GALNT1: variants seen among roughly 807,000 people sequenced by gnomAD.
GALNT1 encodes polypeptide N-acetylgalactosaminyltransferase 1.
In GALNT1, 17 loss-of-function variants were observed where a neutral mutation model predicts 65.7. The ratio of observed to expected loss-of-function variants is 0.26; its 90% confidence interval spans 0.18 to 0.39. The LOEUF (loss-of-function observed/expected upper bound fraction) is 0.39. GALNT1 is among the 10% of genes least tolerant of loss of function. The pLI is 1.00. For missense variants in GALNT1, 460 were observed against 672.8 expected (o/e 0.68, Z 3.50); for synonymous variants, 210 against 219.7 (o/e 0.96, Z 0.39).
At chr18:35,674,270 A>G (rs948288964) in intron 3 of GALNT1, among the ~76,000 whole-genome samples, 1 of 152,210 alleles carries the variant, frequency 6.6e-6, no homozygotes, top group Admixed American at 6.5e-5. Flanking sequence ...TTTGCAGATT[A>G]AGTAATTACG....
At chr18:35,603,385 T>C (rs1251563476) in intron 1 of GALNT1, among the ~76,000 whole-genome samples, 2 of 152,150 alleles carry the variant, frequency 1.3e-5, no homozygotes, top group Non-Finnish European at 2.9e-5. Flanking sequence ...CCTGGAGATC[T>C]TACTAGCCTC....
chr18:35,629,536 A>G (rs1011956627), intron 1 of GALNT1, among the ~76,000 whole-genome samples: 6 of 152,204 alleles, frequency 3.9e-5, no homozygotes, highest in Admixed American at 2.6e-4. Context: ...TGTCACCACC[A>G]GGCCTGCCCT....
Position 35,614,085 on chromosome 18 carries a change from G to A in GALNT1, c.-104+32223G>A, listed in dbSNP as rs181929584. Among the ~76,000 whole-genome samples, 173 of 152,278 alleles carry A rather than the reference G, an allele frequency of 1.1e-3. 1 individual carries two copies. Among genetic ancestry groups the A allele is most frequent in the African/African-American group, 3.7e-3 (154 of 41,552 alleles). ...AGTTAATCAGCAGAGCAAGGAGACC[G>A]TGTAATCAGGCATTCAAACATTGCA... On this transcript the variant is annotated intron_variant, in intron 1 of 11. Transcript: ENST00000269195.
chr18:35,703,543 C>T lies in GALNT1; in HGVS notation c.1433C>T (p.Thr478Ile), dbSNP rs2048203057. Residue 478 changes from threonine (T) to isoleucine (I), a missense_variant, in exon 11 of 12, where the codon ACA (threonine) becomes ATA (isoleucine). Thr to Ile is a moderately conservative substitution (Grantham distance 89). Transcript: ENST00000269195. ...TATACTGCCAACAAAGAAATTAGAA[C>T]AGATGACCTTTGCTTGGATGTTTCC... ...FSYTANKEIRTDDLCLDVSKL... is the reference protein window; with the variant it reads ...FSYTANKEIRIDDLCLDVSKL... 2 of 1,613,868 alleles carry T rather than the reference C, an allele frequency of 1.2e-6. No homozygotes were observed. Among genetic ancestry groups the T allele is most frequent in the Admixed American group, 3.3e-5 (2 of 60,008 alleles).
intron 1 of GALNT1, among the ~76,000 whole-genome samples, chr18:35,600,797 G>A (rs570815939): frequency 2.2e-4 from 34 of 152,172 alleles, no homozygotes; most frequent in African/African-American, 7.2e-4. Context: ...TCACTTGATC[G>A]TGGTGAATGA....
chr18:35,694,171 C>T (rs1388587579), intron 9 of GALNT1, among the ~76,000 whole-genome samples: 1 of 152,170 alleles, frequency 6.6e-6, no homozygotes, highest in African/African-American at 2.4e-5. Context: ...TTGTTAAAAA[C>T]TCTGTTTTGA....
At chr18:35,664,054 T>C (rs1428922282) in intron 3 of GALNT1, 1 of 420,800 alleles carries the variant, frequency 2.4e-6, no homozygotes, top group African/African-American at 2.1e-5. Flanking sequence ...TTTTAAACTT[T>C]ATTATTACCA....
At chr18:35,649,978 A>G (rs1037153931) in intron 1 of GALNT1, among the ~76,000 whole-genome samples, 3 of 152,196 alleles carry the variant, frequency 2.0e-5, no homozygotes, top group Non-Finnish European at 2.9e-5. Flanking sequence ...GAAGATTCCC[A>G]GATGATGTTG....
At chr18:35,683,959 C>G (rs144817656) in intron 5 of GALNT1, among the ~76,000 whole-genome samples, 1 of 152,346 alleles carries the variant, frequency 6.6e-6, no homozygotes, top group East Asian at 1.9e-4. Context: ...GCAGGCAGAT[C>G]CTCTCAGCTT....
intron 1 of GALNT1, among the ~76,000 whole-genome samples, chr18:35,644,297 G>T (rs938701423): frequency 6.6e-6 from 1 of 152,146 alleles, no homozygotes; most frequent in African/African-American, 2.4e-5. Flanking sequence ...CCTGAAAATT[G>T]GTTCTCCTTT....
At chr18:35,603,696 T>C (rs1269888268) in intron 1 of GALNT1, among the ~76,000 whole-genome samples, 1 of 152,140 alleles carries the variant, frequency 6.6e-6, no homozygotes, top group Non-Finnish European at 1.5e-5. Context: ...ACTTCTCTTC[T>C]TCCCCACTGT....
intron 1 of GALNT1, among the ~76,000 whole-genome samples, chr18:35,625,088 G>A (rs563944197): frequency 6.6e-6 from 1 of 152,358 alleles, no homozygotes; most frequent in South Asian, 2.1e-4. Context: ...TGGAGATGCT[G>A]TCTTGTAGAT....
chr18:35,636,167 T>C (rs763532458), intron 1 of GALNT1, among the ~76,000 whole-genome samples: 7 of 152,244 alleles, frequency 4.6e-5, no homozygotes, highest in Non-Finnish European at 7.3e-5. Context: ...CATAGTTAAA[T>C]AGATTCCCAT....
At chr18:35,587,608 A>G (rs2046392411) in intron 1 of GALNT1, among the ~76,000 whole-genome samples, 1 of 151,986 alleles carries the variant, frequency 6.6e-6, no homozygotes, top group South Asian at 2.1e-4. Flanking sequence ...TGATCATGTG[A>G]TTTTTCTTCT....
chr18:35,592,583 A>C (rs893629170), intron 1 of GALNT1, among the ~76,000 whole-genome samples: 2 of 152,148 alleles, frequency 1.3e-5, no homozygotes, highest in Non-Finnish European at 2.9e-5. Flanking sequence ...CCTCATTCTC[A>C]GTGCTGTTGA....
At chr18:35,627,566 G>A (rs896494088) in intron 1 of GALNT1, 1 of 152,170 alleles carries the variant, frequency 6.6e-6, no homozygotes, top group Admixed American at 6.5e-5. Flanking sequence ...AGCTTCTTAG[G>A]TTTTAAAAAT....
At chr18:35,631,805 A>C (rs1045313022) in intron 1 of GALNT1, among the ~76,000 whole-genome samples, 4 of 152,076 alleles carry the variant, frequency 2.6e-5, no homozygotes, top group Admixed American at 6.5e-5. Flanking sequence ...TATCTAGAAA[A>C]CCCCATCGTC....
At position 35,654,619 on chromosome 18, in the gene GALNT1, T is replaced by TTA. The variant is rs781315166; in HGVS notation, c.-32_-31dup. On this transcript the variant is annotated 5_prime_UTR_variant, in exon 2 of 12. It removes the in-frame stop codon of an upstream open reading frame in the 5' UTR. Transcript: ENST00000269195. ...AATAATTTTCATGATCTTTGTATATTTATATATATATATTTTTAAATTTTG... is the reference window on the plus strand; with the variant it reads ...AATAATTTTCATGATCTTTGTATATTTATATATATATATATTTTTAAATTTTG... 1.0e-4 allele frequency: 112 copies of TTA among 1,074,950 alleles called. No individual in the cohort carries two copies. Among genetic ancestry groups the TTA allele is most frequent in the South Asian group, 3.0e-4 (9 of 29,782 alleles). 66.6% of individuals were successfully genotyped at this position (1,074,950 alleles called of 1,614,324 possible).
chr18:35,698,304 C>T (rs1319126436), intron 9 of GALNT1, among the ~76,000 whole-genome samples: 1 of 151,858 alleles, frequency 6.6e-6, no homozygotes, highest in Non-Finnish European at 1.5e-5. Flanking sequence ...CCCATCTCTA[C>T]TAAAAATATG....
Sources: gnomAD v4.1 joint callset for allele counts (sites outside exome capture counted in the v4.1 genomes callset) on GRCh38, gnomAD v4.1.1 for gene constraint, MANE v1.5 for transcripts, NCBI Gene and HGNC (gene_info 2026-07-23, HGNC 2026-07-21) for gene names.